The following CNTNAP5 variants were observed in gnomAD, a reference collection of about 807,000 sequenced individuals.
CNTNAP5 encodes contactin associated protein family member 5.
Under a neutral mutation model 150.2 loss-of-function variants are expected in CNTNAP5, and 72 were observed. The observed-to-expected ratio is 0.48, with a 90% CI of 0.40 to 0.58. The LOEUF is 0.58. Ranked by LOEUF, CNTNAP5 falls within the 20% of genes least tolerant of loss-of-function variation. CNTNAP5 has a pLI of 0.00. For synonymous variants in CNTNAP5, 672 were observed against 619.8 expected, an observed-to-expected ratio of 1.08 and a Z score of -1.25; for missense variants, 1,636 against 1,626.2, an observed-to-expected ratio of 1.01 and a Z score of -0.10.
At chr2:124,203,328 A>G (rs1017163705) in intron 1 of CNTNAP5, among the ~76,000 whole-genome samples, 1 of 152,132 alleles carries the variant, frequency 6.6e-6, no homozygotes, top group Non-Finnish European at 1.5e-5. Context: ...TACAGGGTAC[A>G]GCACCCCCTC....
intron 1 of CNTNAP5, among the ~76,000 whole-genome samples, chr2:124,213,946 G>A (rs983160383): frequency 3.3e-5 from 5 of 152,166 alleles, no homozygotes; most frequent in African/African-American, 9.7e-5. Flanking sequence ...CTACAAAATT[G>A]TCAAATAGAG....
At chr2:124,064,646 C>T (rs981698985) in intron 1 of CNTNAP5, among the ~76,000 whole-genome samples, 5 of 152,068 alleles carry the variant, frequency 3.3e-5, no homozygotes, top group Non-Finnish European at 7.4e-5. Flanking sequence ...TTGATAAAGT[C>T]AAAACTTCAT....
chr2:124,044,811 C>T (rs1414555339), intron 1 of CNTNAP5, among the ~76,000 whole-genome samples: 2 of 151,568 alleles, frequency 1.3e-5, no homozygotes, highest in African/African-American at 2.4e-5. Context: ...TTCAGGTTGA[C>T]CTTATCTCAG....
intron 21 of CNTNAP5, among the ~76,000 whole-genome samples, chr2:124,874,358 G>A (rs1390737576): frequency 6.6e-6 from 1 of 152,076 alleles, no homozygotes; most frequent in Non-Finnish European, 1.5e-5. Context: ...TCATTTGAAA[G>A]TATAGATGTG....
chr2:124,668,206 T>C (rs1678739706), intron 13 of CNTNAP5, among the ~76,000 whole-genome samples: 1 of 152,222 alleles, frequency 6.6e-6, no homozygotes, highest in Admixed American at 6.5e-5. Context: ...TAAAGCATGC[T>C]GTAGTCATAC....
chr2:124,195,331 T>C (rs1178595278), intron 1 of CNTNAP5, among the ~76,000 whole-genome samples: 10 of 152,210 alleles, frequency 6.6e-5, no homozygotes, highest in Non-Finnish European at 2.9e-5. Flanking sequence ...ATACTCACTT[T>C]TGTGCTTTTA....
chr2:124,682,847 G>T (rs1679100385), intron 13 of CNTNAP5, among the ~76,000 whole-genome samples: 1 of 152,140 alleles, frequency 6.6e-6, no homozygotes, highest in Admixed American at 6.5e-5. Flanking sequence ...CTATGGAAAA[G>T]GATGTTGGCT....
At chr2:124,104,663 C>A (rs1439504350) in intron 1 of CNTNAP5, among the ~76,000 whole-genome samples, 1 of 152,034 alleles carries the variant, frequency 6.6e-6, no homozygotes, top group Non-Finnish European at 1.5e-5. Context: ...ATTTTATTGT[C>A]TCCTCCCACC....
At position 124,915,636 on chromosome 2, in the gene CNTNAP5, A is replaced by C. The variant is rs928643922; in HGVS notation, c.*1348A>C. ...CCCTATATACATAAAGACCCTTCCAAACATCTTTTTATAGGCTTAAACTCC... is the reference window on the plus strand; with the variant it reads ...CCCTATATACATAAAGACCCTTCCACACATCTTTTTATAGGCTTAAACTCC... On this transcript the variant is annotated 3_prime_UTR_variant, in exon 24 of 24. Coordinates refer to ENST00000682447, the MANE Select transcript of CNTNAP5 (RefSeq NM_001367498.1). Among the ~76,000 whole-genome samples, 1 of 152,004 alleles carries C rather than the reference A, an allele frequency of 6.6e-6. No individual in the cohort carries two copies. The highest frequency in any genetic ancestry group is 1.5e-5 in the Non-Finnish European group (1 of 67,972).
chr2:124,875,488 C>T (rs1329322717), intron 21 of CNTNAP5, among the ~76,000 whole-genome samples: 3 of 151,940 alleles, frequency 2.0e-5, no homozygotes, highest in Non-Finnish European at 4.4e-5. Flanking sequence ...ATTGTGTGAC[C>T]TTGGTGAATT....
At chr2:124,125,669 C>A (rs938157852) in intron 1 of CNTNAP5, among the ~76,000 whole-genome samples, 1 of 152,166 alleles carries the variant, frequency 6.6e-6, no homozygotes, top group African/African-American at 2.4e-5. Flanking sequence ...GGAAGTAAAG[C>A]ACTCCTCAGT....
chr2:124,035,940 C>T (rs1427319494), intron 1 of CNTNAP5, among the ~76,000 whole-genome samples: 4 of 77,762 alleles, frequency 5.1e-5, no homozygotes, highest in African/African-American at 1.1e-4. Context: ...TTTTTTGAGA[C>T]GGAGTCTCGC....
chr2:124,817,189 T>G (rs1682382538), intron 19 of CNTNAP5, among the ~76,000 whole-genome samples: 2 of 152,232 alleles, frequency 1.3e-5, no homozygotes, highest in South Asian at 4.1e-4. Context: ...ACATTCATTT[T>G]ATATAAATTT....
intron 10 of CNTNAP5, among the ~76,000 whole-genome samples, chr2:124,558,101 T>A (rs1455277766): frequency 2.6e-5 from 4 of 152,170 alleles, no homozygotes; most frequent in Non-Finnish European, 4.4e-5. Context: ...GGGTCCCCCT[T>A]GCTCTTGTGT....
chr2:124,803,246 A>G (rs188999477), intron 19 of CNTNAP5, among the ~76,000 whole-genome samples: 130 of 152,334 alleles, frequency 8.5e-4, no homozygotes, highest in African/African-American at 3.0e-3. Context: ...AGAGAAGGTC[A>G]GAAAAGGCTT....
At chr2:124,248,619 G>A (rs1687087980) in intron 3 of CNTNAP5, among the ~76,000 whole-genome samples, 1 of 152,220 alleles carries the variant, frequency 6.6e-6, no homozygotes. Flanking sequence ...GCTCCTCACT[G>A]ATGCCCATCT....
chr2:124,410,164 A>G (rs897837644), intron 3 of CNTNAP5, among the ~76,000 whole-genome samples: 1 of 152,002 alleles, frequency 6.6e-6, no homozygotes, highest in African/African-American at 2.4e-5. Flanking sequence ...GGATCAATTC[A>G]ACAAGAAGAG....
At chr2:124,703,222 TTCC>T (rs1186465144) in intron 13 of CNTNAP5, among the ~76,000 whole-genome samples, 67 of 146,508 alleles carry the variant, frequency 4.6e-4, no homozygotes, top group Middle Eastern at 3.5e-3. Context: ...CTCTTTCTTC[TTCC>T]TTCCTTCCTC....
intron 13 of CNTNAP5, among the ~76,000 whole-genome samples, chr2:124,682,904 A>T (rs932036979): frequency 3.9e-5 from 6 of 152,154 alleles, no homozygotes; most frequent in Non-Finnish European, 8.8e-5. Flanking sequence ...GAACTTAACC[A>T]AAAAAATTGT....
Sources: gnomAD v4.1 joint callset for allele counts (sites outside exome capture counted in the v4.1 genomes callset) on GRCh38, gnomAD v4.1.1 for gene constraint, MANE v1.5 for transcripts, NCBI Gene and HGNC (gene_info 2026-07-23, HGNC 2026-07-21) for gene names.